Variants in CA5B observed in about 807,000 individuals in gnomAD.
CA5B encodes the protein carbonic anhydrase 5B, mitochondrial.
CA5B carries 15 observed loss-of-function variants against 23.1 expected under a neutral mutation model. The observed-to-expected ratio is 0.65, with a 90% CI of 0.43 to 1.00. The LOEUF is 1.00. Ranked by LOEUF, CA5B falls within the 50% of genes least tolerant of loss-of-function variation. The pLI, the probability that CA5B is intolerant of heterozygous loss-of-function variation, is 0.00. For synonymous variants in CA5B, 84 were observed against 98.5 expected (o/e 0.85, Z 0.87); for missense variants, 236 against 252.2 (o/e 0.94, Z 0.43).
At chrX:15,740,553 C>T (rs764949952) in intron 1 of CA5B, among the ~76,000 whole-genome samples, 5 of 112,452 alleles carry the variant, frequency 4.4e-5, no homozygotes, top group Admixed American at 2.8e-4. Context: ...CCAAGCTCTG[C>T]GCCTTCCTTG....
At chrX:15,781,229 G>A (rs1485326657) in intron 7 of CA5B, among the ~76,000 whole-genome samples, 2 of 110,432 alleles carry the variant, frequency 1.8e-5, no homozygotes, top group Admixed American at 9.7e-5. Context: ...CACCCGCCTC[G>A]GCCTCCCAAA....
chrX:15,778,946 T>TA (rs1043685610), intron 7 of CA5B, among the ~76,000 whole-genome samples: 3 of 110,038 alleles, frequency 2.7e-5, no homozygotes, highest in African/African-American at 9.9e-5. Context: ...TAGATAAAGA[T>TA]AAAAAAAATT....
chrX:15,753,667 G>C (rs1052601312), intron 2 of CA5B, among the ~76,000 whole-genome samples: 2 of 112,452 alleles, frequency 1.8e-5, no homozygotes, highest in Non-Finnish European at 3.8e-5. Flanking sequence ...CCAGCACTTT[G>C]GGAGGCCAAG....
intron 1 of CA5B, among the ~76,000 whole-genome samples, chrX:15,747,843 G>C (rs761249793): frequency 1.8e-4 from 20 of 111,391 alleles, no homozygotes; most frequent in Middle Eastern, 4.7e-3. Context: ...GAAGATTAAC[G>C]ACAGGGACAC....
chrX:15,773,501 C>G (rs994836836), intron 4 of CA5B, among the ~76,000 whole-genome samples: 1 of 104,400 alleles, frequency 9.6e-6, no homozygotes, highest in Non-Finnish European at 2.0e-5. Flanking sequence ...GCTCTGCCTC[C>G]CGGGTTCACA....
chrX:15,782,609 A>G lies in CA5B; in HGVS notation c.899A>G (p.Tyr300Cys). ...RTVRSSFRHD[Y>C]VLNVQAKPKP... ...GTTCGTTCATCCTTCCGGCATGATTATGTGCTGAATGTACAAGCGAAACCC... is the reference window on the plus strand; with the variant it reads ...GTTCGTTCATCCTTCCGGCATGATTGTGTGCTGAATGTACAAGCGAAACCC... Residue 300 changes from tyrosine (Y) to cysteine (C), a missense_variant, in exon 8 of 8, where the codon TAT becomes TGT. This residue lies in a region of CA5B where 170 missense variants were observed against 162.0 expected (regional missense o/e 1.05). Transcript: ENST00000318636. 1.7e-6 allele frequency: 2 copies of G among 1,206,228 alleles called. No homozygotes were observed. The highest frequency in any genetic ancestry group is 2.2e-6 in the Non-Finnish European group (2 of 892,807).
chrX:15,746,022 C>CTT (rs11304971), intron 1 of CA5B, among the ~76,000 whole-genome samples: 1,180 of 53,149 alleles, frequency 0.022, 2 homozygotes, highest in East Asian at 0.028. Flanking sequence ...GCGTCAACTT[C>CTT]TTTTTTTTTT....
At chrX:15,757,957 A>G (rs1362762441) in intron 2 of CA5B, among the ~76,000 whole-genome samples, 1 of 111,231 alleles carries the variant, frequency 9.0e-6, no homozygotes, top group South Asian at 3.8e-4. Context: ...GTGGTTATTT[A>G]GGAAAATTGC....
chrX:15,768,298 G>T (rs969328542), intron 3 of CA5B, among the ~76,000 whole-genome samples: 2 of 110,981 alleles, frequency 1.8e-5, no homozygotes, highest in African/African-American at 6.6e-5. Context: ...ATGAGCCACC[G>T]AGCCAGGCCT....
In CA5B at chrX:15,749,969, A is replaced by G. The variant is rs547815978; in HGVS notation, c.-53-2A>G. 19 of 1,190,623 alleles carry G rather than the reference A, an allele frequency of 1.6e-5. No individual in the cohort carries two copies. In the South Asian group the frequency reaches 2.0e-4, roughly 13 times the overall value. ...TTCCCTCCTCTGCCCTCATCCCTCTAGATTATTAAGTTCCTGCAACTTAAC... is the reference window on the plus strand; with the variant it reads ...TTCCCTCCTCTGCCCTCATCCCTCTGGATTATTAAGTTCCTGCAACTTAAC... On this transcript the variant is annotated splice_acceptor_variant, in intron 1 of 7. Coordinates refer to ENST00000318636, the MANE Select transcript of CA5B (RefSeq NM_007220.4). LOFTEE classifies it low-confidence loss of function (5UTR_SPLICE).
At chrX:15,756,524 G>A (rs185320062) in intron 2 of CA5B, among the ~76,000 whole-genome samples, 1 of 112,596 alleles carries the variant, frequency 8.9e-6, no homozygotes, top group African/African-American at 3.2e-5. Context: ...GCTCAGGATG[G>A]TTGGAGAATA....
rs748338398 is a variant in CA5B at position 15,750,087 on chromosome X, A to G, written c.64A>G (p.Lys22Glu). The change falls in exon 2 of 8, where the codon AAG (lysine) becomes GAG (glutamate). Residue 22 changes from lysine to glutamate, a missense_variant. Physicochemically the swap from Lys to Glu is moderately conservative, Grantham distance 56. This residue lies in a region of CA5B where 54 missense variants were observed against 46.6 expected (regional missense o/e 1.16). Transcript: ENST00000318636. ...CTCTCCAGGCAAATTGCTGTGGAGA[A>G]AGTTCCAGATTCCGAGATTCATGCC... ...QASPGKLLWR[K>E]FQIPRFMPAR... 3.3e-6 allele frequency: 4 copies of G among 1,209,924 alleles called. No homozygotes were observed. The highest frequency in any genetic ancestry group is 5.9e-5 in the East Asian group (2 of 33,787).
Position 15,769,526 on chromosome X carries a change from TCTC to T in CA5B, c.341-2963_341-2961del, listed in dbSNP as rs754126648. On this transcript the variant is annotated intron_variant, in intron 3 of 7. Coordinates refer to ENST00000318636, the MANE Select transcript of CA5B (RefSeq NM_007220.4). ...GAGATGGAGAGGTGAGTGCCTTTGT[TCTC>T]CTCCTCAGGGTGCTTCCTGCTCCAT... The T allele has an allele frequency of 4.3e-4, 326 of 750,659 alleles. 1 individual carries two copies. Among genetic ancestry groups the T allele is most frequent in the Admixed American group, 8.8e-4 (10 of 11,409 alleles). The allele number at this position is 750,659 out of a possible 1,213,427, so 61.9% of individuals were successfully genotyped here.
intron 2 of CA5B, among the ~76,000 whole-genome samples, chrX:15,761,981 C>T (rs760112809): frequency 2.7e-4 from 30 of 112,101 alleles, no homozygotes; most frequent in Non-Finnish European, 5.5e-4. Flanking sequence ...AAGATACTGA[C>T]TTACGGTCAG....
At chrX:15,779,524 G>A (rs1039338048) in intron 7 of CA5B, among the ~76,000 whole-genome samples, 27 of 112,167 alleles carry the variant, frequency 2.4e-4, no homozygotes, top group African/African-American at 7.8e-4. Flanking sequence ...AAATACATAT[G>A]AGAATTTATT....
chrX:15,762,452 T>G (rs958289164), intron 2 of CA5B, among the ~76,000 whole-genome samples: 3 of 108,468 alleles, frequency 2.8e-5, no homozygotes, highest in African/African-American at 1.0e-4. Context: ...CTTATTCTTT[T>G]TTTTTTTGAG....
At chrX:15,755,145 AGG>A (rs917417989) in intron 2 of CA5B, among the ~76,000 whole-genome samples, 6 of 112,362 alleles carry the variant, frequency 5.3e-5, no homozygotes, top group Non-Finnish European at 1.1e-4. Flanking sequence ...ATATAGACTC[AGG>A]ATGCCCCTAG....
At chrX:15,749,144 GA>G (rs1332816131) in intron 1 of CA5B, among the ~76,000 whole-genome samples, 1 of 111,051 alleles carries the variant, frequency 9.0e-6, no homozygotes, top group Non-Finnish European at 1.9e-5. Context: ...GTGTAACCAA[GA>G]AGAATTGATT....
intron 5 of CA5B, among the ~76,000 whole-genome samples, chrX:15,774,663 G>T (rs1229682779): frequency 2.7e-5 from 3 of 110,850 alleles, no homozygotes; most frequent in Non-Finnish European, 5.7e-5. Context: ...GGGAAACCCT[G>T]TTTCTACTAA....
Sources: gnomAD v4.1 joint callset for allele counts (sites outside exome capture counted in the v4.1 genomes callset) on GRCh38, gnomAD v4.1.1 for gene constraint, gnomAD v4.1.1 regional missense constraint, MANE v1.5 for transcripts, NCBI Gene and HGNC (gene_info 2026-07-23, HGNC 2026-07-21) for gene names.